MEMO1: variants seen among roughly 807,000 people sequenced by gnomAD.
MEMO1 encodes protein MEMO1.
MEMO1 carries 6 observed loss-of-function variants against 45.2 expected under a neutral mutation model. The observed-to-expected ratio is 0.13, with a 90% CI of 0.07 to 0.26. MEMO1 has a LOEUF of 0.26. Ranked by LOEUF, MEMO1 falls within the 10% of genes least tolerant of loss-of-function variation. The probability of loss-of-function intolerance (pLI) is 1.00; values close to 1 mark genes in which losing one functional copy is unlikely to be tolerated. For missense variants in MEMO1, 184 were observed against 370.5 expected (o/e 0.50, Z 4.13); for synonymous variants, 78 against 124.3 (o/e 0.63, Z 2.48).
At chr2:31,951,422 A>C (rs1405080820) in intron 2 of MEMO1, among the ~76,000 whole-genome samples, 1 of 152,106 alleles carries the variant, frequency 6.6e-6, no homozygotes, top group African/African-American at 2.4e-5. Flanking sequence ...AACAGTGAAA[A>C]ATTCATCAAA....
intron 3 of MEMO1, among the ~76,000 whole-genome samples, chr2:31,939,938 A>T (rs1440350241): frequency 2.6e-5 from 4 of 152,126 alleles, no homozygotes; most frequent in African/African-American, 4.8e-5. Flanking sequence ...CCACCACCCC[A>T]CAGAAACTTT....
chr2:31,919,140 T>G (rs1272825591), intron 5 of MEMO1, among the ~76,000 whole-genome samples: 1 of 151,628 alleles, frequency 6.6e-6, no homozygotes. Flanking sequence ...ATTTATTTAT[T>G]TTTGGAGACA....
chr2:31,929,860 T>C (rs1683685854), intron 4 of MEMO1, among the ~76,000 whole-genome samples: 2 of 152,134 alleles, frequency 1.3e-5, no homozygotes, highest in South Asian at 4.1e-4. Context: ...TCCCAGAGAG[T>C]GCCTCTTTCA....
intron 4 of MEMO1, 117 bp downstream of exon 4, chr2:31,931,950 C>T (rs1180266166): frequency 3.7e-6 from 3 of 809,522 alleles, no homozygotes; most frequent in Non-Finnish European, 5.9e-6. Context: ...CATCAAAAGT[C>T]AAATCCCTCA....
At chr2:31,975,392 G>A (rs1048780475) in intron 2 of MEMO1, among the ~76,000 whole-genome samples, 3 of 152,138 alleles carry the variant, frequency 2.0e-5, no homozygotes, top group Admixed American at 2.0e-4. Flanking sequence ...GACGGTCAGA[G>A]GAGTCAGCAG....
chr2:31,959,080 G>A (rs1270337642), intron 2 of MEMO1, among the ~76,000 whole-genome samples: 1 of 152,192 alleles, frequency 6.6e-6, no homozygotes, highest in Non-Finnish European at 1.5e-5. Context: ...ACAAGATCAA[G>A]GAAAGCCATG....
At chr2:31,926,048 T>C (rs1230349615) in intron 4 of MEMO1, among the ~76,000 whole-genome samples, 1 of 152,030 alleles carries the variant, frequency 6.6e-6, no homozygotes, top group African/African-American at 2.4e-5. Flanking sequence ...TATTCCAATT[T>C]AGGTAGCTGG....
intron 2 of MEMO1, among the ~76,000 whole-genome samples, chr2:31,974,085 C>T (rs1219528181): frequency 6.6e-6 from 1 of 152,066 alleles, no homozygotes; most frequent in Non-Finnish European, 1.5e-5. Flanking sequence ...AATTGTTTCT[C>T]GCTCGCTCCC....
intron 2 of MEMO1, among the ~76,000 whole-genome samples, chr2:31,950,318 T>C (rs1363791025): frequency 1.3e-5 from 2 of 151,358 alleles, no homozygotes; most frequent in Non-Finnish European, 2.9e-5. Context: ...AAGGCAGAGG[T>C]TGCAGTGAGC....
chr2:31,958,654 TGTTTC>T (rs1380292664), intron 2 of MEMO1, among the ~76,000 whole-genome samples: 2 of 152,128 alleles, frequency 1.3e-5, no homozygotes, highest in Non-Finnish European at 2.9e-5. Context: ...TGTTTTGTTT[TGTTTC>T]ATTTTGTTTT....
At chr2:31,943,197 G>A (rs911043353) in intron 3 of MEMO1, 105 bp downstream of exon 3, 34 of 822,960 alleles carry the variant, frequency 4.1e-5, no homozygotes, top group Admixed American at 9.4e-5. Context: ...CCTGGGAGGC[G>A]GAGGTTGCAG....
At chr2:31,982,077 T>C (rs898131630) in intron 2 of MEMO1, among the ~76,000 whole-genome samples, 1 of 151,640 alleles carries the variant, frequency 6.6e-6, no homozygotes, top group African/African-American at 2.4e-5. Context: ...GGTGGGTGGA[T>C]CATGAGGTCA....
At chr2:31,987,258 C>G (rs1025455371) in intron 2 of MEMO1, among the ~76,000 whole-genome samples, 1 of 152,204 alleles carries the variant, frequency 6.6e-6, no homozygotes. Flanking sequence ...CTCAGCCCCC[C>G]ACACTGCTGG....
chr2:31,966,728 G>A (rs1307125047), intron 2 of MEMO1, among the ~76,000 whole-genome samples: 4 of 48,656 alleles, frequency 8.2e-5, no homozygotes, highest in African/African-American at 2.3e-4. Flanking sequence ...GCAAGACTCT[G>A]TCTCAAAAAA....
At chr2:31,962,132 T>C (rs1419002301) in intron 2 of MEMO1, among the ~76,000 whole-genome samples, 5 of 152,124 alleles carry the variant, frequency 3.3e-5, no homozygotes, top group Non-Finnish European at 7.4e-5. Context: ...TTTACACCTG[T>C]AATCCCACCA....
At chr2:31,999,979 C>A (rs1156876811) in intron 2 of MEMO1, among the ~76,000 whole-genome samples, 1 of 150,730 alleles carries the variant, frequency 6.6e-6, no homozygotes, top group African/African-American at 2.4e-5. Flanking sequence ...TGGACTCAGG[C>A]AATCCTCCTG....
chr2:31,995,339 C>G (rs1462090592), intron 2 of MEMO1, among the ~76,000 whole-genome samples: 1 of 151,954 alleles, frequency 6.6e-6, no homozygotes, highest in Admixed American at 6.6e-5. Context: ...GTAATCCCAG[C>G]TACTCGGGAG....
At chr2:31,911,083 G>C (rs545731288) in intron 6 of MEMO1, among the ~76,000 whole-genome samples, 1 of 152,042 alleles carries the variant, frequency 6.6e-6, no homozygotes, top group East Asian at 1.9e-4. Context: ...GAAAAGGATA[G>C]TAAGTAAGGT....
Position 31,967,254 on chromosome 2 carries a change from G to A in MEMO1, c.62-23871C>T, listed in dbSNP as rs1396234607. 2.0e-5 allele frequency among the ~76,000 whole-genome samples: 3 copies of A among 151,800 alleles called. No homozygotes were observed. The South Asian group carries it at 6.2e-4, about 32-fold the overall frequency. On this transcript the variant is annotated intron_variant, in intron 2 of 9. Transcript: ENST00000404530. ...TTCTCCTGCCTCAGCCTCCTGAGTA[G>A]CTGGGATTACAGGTGCCCACCACCA...
Sources: gnomAD v4.1 joint callset for allele counts (sites outside exome capture counted in the v4.1 genomes callset) on GRCh38, gnomAD v4.1.1 for gene constraint, MANE v1.5 for transcripts, NCBI Gene and HGNC (gene_info 2026-07-23, HGNC 2026-07-21) for gene names.